Variants in NRXN3 observed in about 807,000 individuals in gnomAD.
NRXN3 encodes neurexin 3.
In NRXN3, 32 loss-of-function variants were observed where a neutral mutation model predicts 137.6. That is an observed-to-expected ratio of 0.23 (90% confidence interval 0.18 to 0.31). The LOEUF (loss-of-function observed/expected upper bound fraction) is 0.31. Among genes scored for constraint, NRXN3 ranks in the 10% least tolerant of loss-of-function variants. NRXN3 has a pLI of 1.00. For missense variants in NRXN3, 1,574 were observed against 2,062.5 expected (o/e 0.76, Z 4.59); for synonymous variants, 798 against 784.5 (o/e 1.02, Z -0.29).
chr14:78,496,565 G>A (rs1293443838), intron 4 of NRXN3, among the ~76,000 whole-genome samples: 1 of 152,212 alleles, frequency 6.6e-6, no homozygotes. Flanking sequence ...AACAAAAAGA[G>A]AGGAAAAAAT....
At chr14:79,591,608 A>C (rs1463661648) in intron 16 of NRXN3, among the ~76,000 whole-genome samples, 1 of 152,172 alleles carries the variant, frequency 6.6e-6, no homozygotes, top group East Asian at 1.9e-4. Context: ...CTATATTCTA[A>C]GTTTAAGAAA....
At position 79,504,313 on chromosome 14, in the gene NRXN3, A is replaced by G. The variant is rs906090941; in HGVS notation, c.3444+36911A>G. On this transcript the variant is annotated intron_variant, in intron 16 of 20. Transcript: ENST00000335750. Reference sequence around the variant, plus strand: ...ACAGATTGTTATTCCTTCATCGTCCAAAAGGAGTCCTCACTTTGCTTAGAC... The same window carrying G: ...ACAGATTGTTATTCCTTCATCGTCCGAAAGGAGTCCTCACTTTGCTTAGAC... Among the ~76,000 whole-genome samples the G allele has an allele frequency of 2.0e-5, 3 of 152,162 alleles. No homozygotes were observed. The East Asian group carries it at 5.8e-4, about 29-fold the overall frequency.
At chr14:79,220,168 G>A (rs1005520391) in intron 15 of NRXN3, among the ~76,000 whole-genome samples, 4 of 152,096 alleles carry the variant, frequency 2.6e-5, no homozygotes, top group Admixed American at 1.3e-4. Context: ...CTGCTTTTCT[G>A]TTTAAAGACT....
Position 79,387,603 on chromosome 14 carries a change from G to A in NRXN3, c.3263-79618G>A, listed in dbSNP as rs568946402. Among the ~76,000 whole-genome samples, 35 of 152,230 alleles carry A rather than the reference G, an allele frequency of 2.3e-4. 1 individual carries two copies. In the East Asian group the frequency reaches 5.4e-3, roughly 24 times the overall value. On this transcript the variant is annotated intron_variant, in intron 15 of 20. Transcript: ENST00000335750. ...TTTGACCCAACCATCCCATTACTGG[G>A]TATATACCTAAAGGATTATAAATCA...
intron 16 of NRXN3, among the ~76,000 whole-genome samples, chr14:79,584,801 G>A (rs893580383): frequency 4.6e-5 from 7 of 152,104 alleles, no homozygotes; most frequent in African/African-American, 1.7e-4. Flanking sequence ...AGCAGAGGGA[G>A]CCATGAACTC....
intron 10 of NRXN3, among the ~76,000 whole-genome samples, chr14:78,817,022 G>T (rs1049887953): frequency 2.6e-5 from 4 of 152,126 alleles, no homozygotes; most frequent in Non-Finnish European, 5.9e-5. Context: ...TGTTAATCTT[G>T]TTTTGATAAA....
intron 16 of NRXN3, among the ~76,000 whole-genome samples, chr14:79,568,536 A>G (rs1038790292): frequency 6.8e-6 from 1 of 147,402 alleles, no homozygotes; most frequent in Non-Finnish European, 1.5e-5. Flanking sequence ...TGTTCTCACT[A>G]TATCTACCCA....
intron 20 of NRXN3, among the ~76,000 whole-genome samples, chr14:79,849,815 G>C (rs1603619537): frequency 1.3e-5 from 2 of 152,150 alleles, no homozygotes; most frequent in South Asian, 2.1e-4. Context: ...GTTCATTGCA[G>C]CATTACTGTA....
At chr14:78,649,645 C>T (rs1183929115) in intron 5 of NRXN3, among the ~76,000 whole-genome samples, 2 of 149,080 alleles carry the variant, frequency 1.3e-5, no homozygotes, top group Non-Finnish European at 3.0e-5. Context: ...AAGTTACATA[C>T]TAGGGACAAC....
chr14:79,111,026 G>A lies in NRXN3; in HGVS notation c.3262+122885G>A, dbSNP rs982069941. On this transcript the variant is annotated intron_variant, in intron 15 of 20. Transcript: ENST00000335750. ...AGGATGGTCTTGATCTCCTGACCTC[G>A]TGGTCTGCCCGCCTCGGCCTCCCAA... 1.3e-4 allele frequency among the ~76,000 whole-genome samples: 20 copies of A among 152,074 alleles called. No individual in the cohort carries two copies. In the East Asian group the frequency reaches 3.9e-3, roughly 30 times the overall value.
intron 15 of NRXN3, among the ~76,000 whole-genome samples, chr14:79,177,476 G>A (rs2062461328): frequency 6.6e-6 from 1 of 152,176 alleles, no homozygotes; most frequent in Non-Finnish European, 1.5e-5. Context: ...TAGTTTCACA[G>A]CTAAGATGCT....
intron 8 of NRXN3, among the ~76,000 whole-genome samples, chr14:78,730,377 T>C (rs1168756681): frequency 6.6e-6 from 1 of 151,912 alleles, no homozygotes; most frequent in East Asian, 1.9e-4. Context: ...CTTTTTCCTG[T>C]TTCCTCTTCT....
At chr14:78,370,133 C>T (rs1025148682) in intron 4 of NRXN3, among the ~76,000 whole-genome samples, 1 of 152,104 alleles carries the variant, frequency 6.6e-6, no homozygotes, top group African/African-American at 2.4e-5. Context: ...TGAGATCATG[C>T]CACTATCCTA....
At chr14:79,202,052 T>G (rs2066104138) in intron 15 of NRXN3, among the ~76,000 whole-genome samples, 1 of 151,854 alleles carries the variant, frequency 6.6e-6, no homozygotes, top group Non-Finnish European at 1.5e-5. Flanking sequence ...TTGAGTAATC[T>G]GAGGAATGAG....
intron 4 of NRXN3, among the ~76,000 whole-genome samples, chr14:78,571,078 C>G (rs2152314055): frequency 6.6e-6 from 1 of 152,358 alleles, no homozygotes; most frequent in Non-Finnish European, 1.5e-5. Context: ...TTGGCAGCCT[C>G]TGGCATTTCT....
intron 15 of NRXN3, among the ~76,000 whole-genome samples, chr14:79,190,884 G>A (rs2064207265): frequency 6.6e-6 from 1 of 152,046 alleles, no homozygotes; most frequent in Non-Finnish European, 1.5e-5. Context: ...ATTCTTCAAG[G>A]TCTCAGGATT....
chr14:79,233,784 T>A (rs929372570), intron 15 of NRXN3, among the ~76,000 whole-genome samples: 1 of 151,964 alleles, frequency 6.6e-6, no homozygotes. Flanking sequence ...CCCATGATGA[T>A]CCTAGAAAAT....
At chr14:78,995,302 G>A (rs1289687723) in intron 15 of NRXN3, among the ~76,000 whole-genome samples, 2 of 152,106 alleles carry the variant, frequency 1.3e-5, no homozygotes, top group African/African-American at 4.8e-5. Context: ...AGAGTATCTT[G>A]CCCATACTCC....
At chr14:79,237,979 G>A (rs967288679) in intron 15 of NRXN3, among the ~76,000 whole-genome samples, 1 of 152,086 alleles carries the variant, frequency 6.6e-6, no homozygotes, top group Non-Finnish European at 1.5e-5. Context: ...GTGCTAAAAT[G>A]ATATGGTTTT....
Sources: allele counts gnomAD v4.1 joint callset (sites outside exome capture counted in the v4.1 genomes callset), GRCh38; gene constraint gnomAD v4.1.1; transcripts MANE v1.5; gene names NCBI Gene and HGNC (gene_info 2026-07-23, HGNC 2026-07-21).